Variants in KCNMA1 observed in about 807,000 individuals in gnomAD.
KCNMA1 encodes the protein potassium calcium-activated channel subfamily M alpha 1.
In KCNMA1, 29 loss-of-function variants were observed where a neutral mutation model predicts 140.0. The observed-to-expected ratio is 0.21, with a 90% CI of 0.15 to 0.28. The LOEUF (loss-of-function observed/expected upper bound fraction) is 0.28, where lower values mean the gene tolerates loss of function less well. Among genes scored for constraint, KCNMA1 ranks in the 10% least tolerant of loss-of-function variants. KCNMA1 has a pLI of 1.00. For missense variants in KCNMA1, 880 were observed against 1,602.2 expected (o/e 0.55, Z 7.70); for synonymous variants, 612 against 611.9 (o/e 1.00, Z 0.00).
intron 25 of KCNMA1, chr10:76,904,701 G>T (rs1465479280): frequency 2.0e-5 from 3 of 152,224 alleles, no homozygotes; most frequent in East Asian, 3.9e-4. Flanking sequence ...AATAACGATG[G>T]TTCAGTGTGA....
chr10:77,019,560 TAC>T (rs752188178), intron 16 of KCNMA1: 3 of 183,384 alleles, frequency 1.6e-5, no homozygotes, highest in Non-Finnish European at 3.5e-5. Flanking sequence ...AAACATCATG[TAC>T]ACACACCACA....
intron 2 of KCNMA1, among the ~76,000 whole-genome samples, chr10:77,364,969 A>T (rs2094248627): frequency 6.6e-6 from 1 of 152,216 alleles, no homozygotes; most frequent in Non-Finnish European, 1.5e-5. Context: ...TTTCCATTTG[A>T]GTCATAACAA....
At chr10:77,477,988 C>G (rs972541939) in intron 1 of KCNMA1, among the ~76,000 whole-genome samples, 2 of 152,168 alleles carry the variant, frequency 1.3e-5, no homozygotes, top group African/African-American at 4.8e-5. Flanking sequence ...CACAAAATCA[C>G]CCGGTTCAAA....
chr10:77,324,875 C>A (rs2083431290), intron 2 of KCNMA1, among the ~76,000 whole-genome samples: 1 of 151,150 alleles, frequency 6.6e-6, no homozygotes, highest in Non-Finnish European at 1.5e-5. Flanking sequence ...TGGGATACTA[C>A]AATTTTAAGA....
In KCNMA1 at chr10:77,392,019, C is replaced by A. The variant is rs1027882110; in HGVS notation, c.540+11843G>T. On this transcript the variant is annotated intron_variant, in intron 2 of 27. Transcript: ENST00000286628. ...AACCTGGGTAAGAAAAGTCTCCCAG[C>A]CCAACTCAGTAGCCGCAAATACAGA... 7.9e-5 allele frequency among the ~76,000 whole-genome samples: 12 copies of A among 151,006 alleles called. 1 individual carries two copies. Among genetic ancestry groups the A allele is most frequent in the Non-Finnish European group, 1.5e-5 (1 of 67,870 alleles).
intron 1 of KCNMA1, among the ~76,000 whole-genome samples, chr10:77,503,842 C>T (rs769577944): frequency 1.3e-5 from 2 of 152,166 alleles, no homozygotes; most frequent in African/African-American, 4.8e-5. Context: ...GGAAGGGGTC[C>T]CCACCATATT....
At chr10:76,888,143 A>C (rs1329706832) in intron 27 of KCNMA1, 1 of 159,494 alleles carries the variant, frequency 6.3e-6, no homozygotes, top group Non-Finnish European at 1.4e-5. Flanking sequence ...GTGGTCACCA[A>C]GTGTGGTCCT....
At chr10:77,574,002 A>C (rs1227946762) in intron 1 of KCNMA1, among the ~76,000 whole-genome samples, 1 of 151,756 alleles carries the variant, frequency 6.6e-6, no homozygotes, top group Non-Finnish European at 1.5e-5. Flanking sequence ...TGCCAGGCTA[A>C]TTTTTGTATT....
At chr10:77,120,936 G>T (rs747382448) in intron 6 of KCNMA1, 37 bp downstream of exon 6, 7 of 1,175,602 alleles carry the variant, frequency 6.0e-6, no homozygotes, top group Non-Finnish European at 5.1e-6. Flanking sequence ...TGGCATAGGG[G>T]ACTGGAATGA....
intron 2 of KCNMA1, among the ~76,000 whole-genome samples, chr10:77,336,194 T>C (rs755369828): frequency 4.6e-5 from 7 of 152,136 alleles, no homozygotes; most frequent in African/African-American, 7.2e-5. Flanking sequence ...GGTGCTGATA[T>C]TGACTACGAG....
chr10:77,270,966 G>C (rs75804833), intron 2 of KCNMA1, among the ~76,000 whole-genome samples: 10,476 of 152,124 alleles, frequency 0.069, 1,174 homozygotes, highest in African/African-American at 0.24. Context: ...AATATATCCA[G>C]AATATTTTTA....
chr10:76,992,253 T>C (rs2082993666), intron 19 of KCNMA1, among the ~76,000 whole-genome samples: 1 of 152,170 alleles, frequency 6.6e-6, no homozygotes. Flanking sequence ...TTAGTCCTGC[T>C]CATCTGAGCT....
chr10:77,555,794 C>G (rs554994343), intron 1 of KCNMA1, among the ~76,000 whole-genome samples: 168 of 152,308 alleles, frequency 1.1e-3, no homozygotes, highest in African/African-American at 3.9e-3. Flanking sequence ...ATGCCTCTAG[C>G]ACACACATAT....
intron 2 of KCNMA1, among the ~76,000 whole-genome samples, chr10:77,321,129 G>A (rs2082226904): frequency 6.6e-6 from 1 of 152,160 alleles, no homozygotes; most frequent in South Asian, 2.1e-4. Context: ...ACAACTTCTG[G>A]GAATGATGTA....
intron 19 of KCNMA1, chr10:76,977,715 G>C: frequency 1.4e-6 from 1 of 696,658 alleles, no homozygotes; most frequent in Non-Finnish European, 2.6e-6. Context: ...ACATTGGGAG[G>C]AACAGAGGTA....
chr10:77,007,653 G>GTGTATATA, intron 18 of KCNMA1, among the ~76,000 whole-genome samples: 17 of 88,466 alleles, frequency 1.9e-4, no homozygotes, highest in African/African-American at 7.7e-4. Context: ...TTGTGTGTGT[G>GTGTATATA]TATATATATA....
intron 2 of KCNMA1, among the ~76,000 whole-genome samples, chr10:77,371,228 C>G (rs1194876384): frequency 6.6e-6 from 1 of 152,140 alleles, no homozygotes; most frequent in African/African-American, 2.4e-5. Flanking sequence ...GCAAGGTGAA[C>G]TCTGCTCAGT....
Position 77,325,906 on chromosome 10 carries a change from A to G in KCNMA1, c.541-74650T>C, listed in dbSNP as rs143392491. On this transcript the variant is annotated intron_variant, in intron 2 of 27. Coordinates refer to ENST00000286628, the MANE Select transcript of KCNMA1 (RefSeq NM_001161352.2). ...CCAAACCCTTAGCAAGCCACTGAGG[A>G]ATGAGTTTGACCCCATTCCTCTGAA... Among the ~76,000 whole-genome samples, 462 of 152,222 alleles carry G rather than the reference A, an allele frequency of 3.0e-3. 8 individuals carry two copies. Among genetic ancestry groups the G allele is most frequent in the Middle Eastern group, 0.027 (8 of 294 alleles).
At chr10:77,173,658 CTT>C (rs1330782620) in intron 5 of KCNMA1, among the ~76,000 whole-genome samples, 1 of 152,116 alleles carries the variant, frequency 6.6e-6, no homozygotes, top group African/African-American at 2.4e-5. Flanking sequence ...GGAAATCATA[CTT>C]TTTCTTTTCT....
Sources: allele counts gnomAD v4.1 joint callset (sites outside exome capture counted in the v4.1 genomes callset), GRCh38; gene constraint gnomAD v4.1.1; transcripts MANE v1.5; gene names NCBI Gene and HGNC (gene_info 2026-07-23, HGNC 2026-07-21).